The following NEGR1 variants were observed in gnomAD, a reference collection of about 807,000 sequenced individuals.
NEGR1 encodes neuronal growth regulator 1.
Under a neutral mutation model 40.9 loss-of-function variants are expected in NEGR1, and 10 were observed. That is an observed-to-expected ratio of 0.24 (90% CI 0.15 to 0.42). The LOEUF is 0.42. Ranked by LOEUF, NEGR1 falls within the 10% of genes least tolerant of loss-of-function variation. NEGR1 has a pLI of 1.00. For synonymous variants in NEGR1, 185 were observed against 166.8 expected, an observed-to-expected ratio of 1.11 and a Z score of -0.84; for missense variants, 352 against 438.9, an observed-to-expected ratio of 0.80 and a Z score of 1.77.
At chr1:71,780,081 T>C (rs1199453988) in intron 2 of NEGR1, among the ~76,000 whole-genome samples, 1 of 98,014 alleles carries the variant, frequency 1.0e-5, no homozygotes, top group Non-Finnish European at 2.0e-5. Flanking sequence ...AGAAAAAAAA[T>C]AGAGGAGAGT....
chr1:71,853,732 G>A (rs935580091), intron 2 of NEGR1, among the ~76,000 whole-genome samples: 3 of 152,112 alleles, frequency 2.0e-5, no homozygotes, highest in African/African-American at 7.2e-5. Context: ...GACAGTAGAA[G>A]AAAGCAGCCA....
At chr1:72,037,354 C>T (rs1646912219) in intron 1 of NEGR1, among the ~76,000 whole-genome samples, 1 of 152,130 alleles carries the variant, frequency 6.6e-6, no homozygotes, top group Admixed American at 6.6e-5. Flanking sequence ...ATAGTCATCT[C>T]ATTTAATCTT....
chr1:71,413,940 T>G (rs1424830883), intron 6 of NEGR1, among the ~76,000 whole-genome samples: 3 of 152,202 alleles, frequency 2.0e-5, no homozygotes, highest in Non-Finnish European at 4.4e-5. Context: ...AAATATTTAG[T>G]TTTGGTACAA....
At chr1:71,802,867 G>A (rs1002752681) in intron 2 of NEGR1, among the ~76,000 whole-genome samples, 4 of 152,098 alleles carry the variant, frequency 2.6e-5, no homozygotes, top group Admixed American at 1.3e-4. Context: ...CTTTGCCTCA[G>A]GAAGAGGCAT....
intron 2 of NEGR1, among the ~76,000 whole-genome samples, chr1:71,913,367 A>G (rs957883462): frequency 1.4e-4 from 22 of 152,188 alleles, no homozygotes; most frequent in African/African-American, 5.1e-4. Flanking sequence ...CGCCCACCTC[A>G]GCCTCCCAAA....
chr1:71,588,335 T>C (rs1649376585), intron 6 of NEGR1, among the ~76,000 whole-genome samples: 1 of 152,152 alleles, frequency 6.6e-6, no homozygotes, highest in Non-Finnish European at 1.5e-5. Flanking sequence ...TGGCATACTG[T>C]CATCCATTAT....
intron 5 of NEGR1, among the ~76,000 whole-genome samples, chr1:71,601,396 T>A (rs2101531997): frequency 6.6e-6 from 1 of 152,304 alleles, no homozygotes; most frequent in Non-Finnish European, 1.5e-5. Flanking sequence ...CAGCTTCCAT[T>A]TAAAACACTA....
chr1:71,643,280 C>T (rs1225710356), intron 4 of NEGR1, among the ~76,000 whole-genome samples: 3 of 151,914 alleles, frequency 2.0e-5, no homozygotes, highest in South Asian at 2.1e-4. Flanking sequence ...ATTAATGCAA[C>T]GTATTTGGGC....
chr1:71,666,181 A>G (rs1355034313), intron 4 of NEGR1, among the ~76,000 whole-genome samples: 1 of 152,222 alleles, frequency 6.6e-6, no homozygotes, highest in Non-Finnish European at 1.5e-5. Context: ...ACTCAAGAAC[A>G]TTATATATGA....
At chr1:71,904,491 G>A (rs942147144) in intron 2 of NEGR1, among the ~76,000 whole-genome samples, 7 of 151,994 alleles carry the variant, frequency 4.6e-5, no homozygotes, top group Admixed American at 2.0e-4. Flanking sequence ...ACTTAATGCC[G>A]TAGCAACATT....
chr1:71,839,144 T>G (rs1365331369), intron 2 of NEGR1, among the ~76,000 whole-genome samples: 2 of 147,734 alleles, frequency 1.4e-5, no homozygotes, highest in Non-Finnish European at 3.0e-5. Context: ...TGAAGAATCC[T>G]TGAAGATAAT....
rs942141674 is a variant in NEGR1, at chr1:71,837,257, C to G, written c.410-60960G>C. Among the ~76,000 whole-genome samples, 3 of 152,082 alleles carry G rather than the reference C, an allele frequency of 2.0e-5. No individual in the cohort carries two copies. In the South Asian group the frequency reaches 6.2e-4, roughly 32 times the overall value. ...AAAGGACTTCTCTATATGCCTGACA[C>G]TATTCTAGGCATGTTACTTATATCA... On this transcript the variant is annotated intron_variant, in intron 2 of 6. Transcript: ENST00000357731.
intron 3 of NEGR1, among the ~76,000 whole-genome samples, chr1:71,699,779 GT>G (rs1379216374): frequency 6.6e-6 from 1 of 151,874 alleles, no homozygotes; most frequent in Non-Finnish European, 1.5e-5. Flanking sequence ...ATTCTCACTT[GT>G]TGTGGGAGGG....
At chr1:71,925,910 G>T (rs1334158035) in intron 2 of NEGR1, among the ~76,000 whole-genome samples, 3 of 152,030 alleles carry the variant, frequency 2.0e-5, no homozygotes, top group African/African-American at 7.2e-5. Flanking sequence ...ATTGCACTGG[G>T]ATTTGACATG....
In NEGR1 at chr1:72,239,728, A is replaced by T. The variant is rs568996138; in HGVS notation, c.176+42591T>A. ...AGCTTTCCATCATTTTGTGCCTTCTAGAAGGAATACTAGAAAGGAATTAGA... is the reference window on the plus strand; with the variant it reads ...AGCTTTCCATCATTTTGTGCCTTCTTGAAGGAATACTAGAAAGGAATTAGA... On this transcript the variant is annotated intron_variant, in intron 1 of 6. Transcript: ENST00000357731. Among the ~76,000 whole-genome samples, 533 of 151,854 alleles carry T rather than the reference A, an allele frequency of 3.5e-3. 4 individuals carry two copies. The highest frequency in any genetic ancestry group is 0.012 in the African/African-American group (515 of 41,514).
At chr1:71,718,983 G>T (rs757652674) in intron 3 of NEGR1, among the ~76,000 whole-genome samples, 2 of 152,098 alleles carry the variant, frequency 1.3e-5, no homozygotes, top group Non-Finnish European at 2.9e-5. Flanking sequence ...AAAAAGTATT[G>T]TTTTCTTCAT....
At chr1:71,659,869 T>C (rs745901449) in intron 4 of NEGR1, among the ~76,000 whole-genome samples, 1 of 152,136 alleles carries the variant, frequency 6.6e-6, no homozygotes, top group Non-Finnish European at 1.5e-5. Flanking sequence ...ACTTATACAC[T>C]CTTTGTGGGA....
chr1:71,948,750 T>G (rs948286882), intron 1 of NEGR1, among the ~76,000 whole-genome samples: 3 of 152,068 alleles, frequency 2.0e-5, no homozygotes, highest in African/African-American at 7.2e-5. Flanking sequence ...CTGTCATATC[T>G]CACTGCCTTG....
chr1:71,490,945 G>A (rs1358704054), intron 6 of NEGR1, among the ~76,000 whole-genome samples: 1 of 151,918 alleles, frequency 6.6e-6, no homozygotes, highest in Non-Finnish European at 1.5e-5. Flanking sequence ...GGTTTTCCAT[G>A]ATGTGCAGTC....
Sources: gnomAD v4.1 joint callset for allele counts (sites outside exome capture counted in the v4.1 genomes callset) on GRCh38, gnomAD v4.1.1 for gene constraint, MANE v1.5 for transcripts, NCBI Gene and HGNC (gene_info 2026-07-23, HGNC 2026-07-21) for gene names.